Variants in TENM3 observed in about 807,000 individuals in gnomAD.
TENM3 encodes teneurin transmembrane protein 3, also known as teneurin-3.
A neutral mutation model predicts 255.1 loss-of-function variants in TENM3; 63 were observed. The observed-to-expected ratio is 0.25, with a 90% confidence interval of 0.20 to 0.30. The LOEUF is 0.30. Ranked by LOEUF, TENM3 falls within the 10% of genes least tolerant of loss-of-function variation. The probability of loss-of-function intolerance (pLI) is 1.00; values close to 1 mark genes in which losing one functional copy is unlikely to be tolerated. For synonymous variants in TENM3, 1,306 were observed against 1,322.3 expected, an observed-to-expected ratio of 0.99 and a Z score of 0.27; for missense variants, 2,929 against 3,461.1, an observed-to-expected ratio of 0.85 and a Z score of 3.86.
At chr4:181,542,839 T>G in the TENM3 span, among the ~76,000 whole-genome samples, 1 of 152,188 alleles carries the variant, frequency 6.6e-6, no homozygotes, top group Non-Finnish European at 1.5e-5. Context: ...GGGGTGAGAC[T>G]ATCCTGAGTT....
At chr4:182,095,046 G>T in the TENM3 span, among the ~76,000 whole-genome samples, 9 of 152,140 alleles carry the variant, frequency 5.9e-5, no homozygotes, top group African/African-American at 2.2e-4. Flanking sequence ...TCAAGGATGT[G>T]GAGAAAGAAG....
chr4:182,666,152 T>G (rs1465041565), intron 6 of TENM3, among the ~76,000 whole-genome samples: 1 of 152,184 alleles, frequency 6.6e-6, no homozygotes, highest in African/African-American at 2.4e-5. Flanking sequence ...GAAACTTTAA[T>G]GGACGAGGAG....
the TENM3 span, among the ~76,000 whole-genome samples, chr4:181,537,190 G>A: frequency 6.6e-6 from 1 of 151,884 alleles, no homozygotes; most frequent in Non-Finnish European, 1.5e-5. Flanking sequence ...GATTAAGAAA[G>A]GGAGTCTACA....
the TENM3 span, among the ~76,000 whole-genome samples, chr4:181,840,067 C>T: frequency 1.3e-5 from 2 of 152,140 alleles, no homozygotes; most frequent in South Asian, 2.1e-4. Context: ...CTCTAAACTT[C>T]TCTTGCATGT....
chr4:182,650,514 C>T (rs1177038120), intron 5 of TENM3, among the ~76,000 whole-genome samples: 3 of 150,004 alleles, frequency 2.0e-5, no homozygotes, highest in African/African-American at 7.3e-5. Context: ...CCAGATACCC[C>T]ATTTAGTTTT....
At chr4:181,753,235 G>T in the TENM3 span, among the ~76,000 whole-genome samples, 1 of 152,206 alleles carries the variant, frequency 6.6e-6, no homozygotes, top group Non-Finnish European at 1.5e-5. Flanking sequence ...TCTTCACACA[G>T]AAATGCTTTA....
At chr4:182,431,032 T>TAAAC (rs1394238008) in intron 3 of TENM3, among the ~76,000 whole-genome samples, 12 of 100,288 alleles carry the variant, frequency 1.2e-4, no homozygotes, top group African/African-American at 4.1e-4. Context: ...AATAAATAAA[T>TAAAC]AAATAAACAA....
chr4:181,508,892 CTTTTTTTTTTTTT>C, the TENM3 span, among the ~76,000 whole-genome samples: 34 of 53,816 alleles, frequency 6.3e-4, no homozygotes, highest in Middle Eastern at 0.036. Context: ...ATTTCCAACA[CTTTTTTTTTTTTT>C]TTTTTTTTTT....
chr4:182,396,041 T>C (rs531215689), intron 3 of TENM3, among the ~76,000 whole-genome samples: 1 of 152,252 alleles, frequency 6.6e-6, no homozygotes, highest in Non-Finnish European at 1.5e-5. Context: ...TCATATTTCA[T>C]TTTTTTTCTC....
the TENM3 span, among the ~76,000 whole-genome samples, chr4:181,880,403 CAAAT>C: frequency 6.6e-6 from 1 of 151,700 alleles, no homozygotes; most frequent in African/African-American, 2.4e-5. Context: ...TGTTAATTAA[CAAAT>C]AAACATATGA....
chr4:181,641,558 A>G, the TENM3 span, among the ~76,000 whole-genome samples: 286 of 39,986 alleles, frequency 7.2e-3, no homozygotes, highest in Middle Eastern at 0.013. Flanking sequence ...GTGTGTGTAT[A>G]TATATATATA....
At chr4:182,132,336 T>C in the TENM3 span, among the ~76,000 whole-genome samples, 1 of 151,738 alleles carries the variant, frequency 6.6e-6, no homozygotes, top group Non-Finnish European at 1.5e-5. Context: ...CAACAAAAAT[T>C]AGCCAGACCT....
the TENM3 span, among the ~76,000 whole-genome samples, chr4:181,682,418 G>A: frequency 6.6e-6 from 1 of 152,178 alleles, no homozygotes; most frequent in Admixed American, 6.5e-5. Flanking sequence ...GGAAAAAGCA[G>A]TTGTTTCACC....
At chr4:182,371,019 G>A (rs1173409380) in intron 3 of TENM3, among the ~76,000 whole-genome samples, 3 of 152,062 alleles carry the variant, frequency 2.0e-5, no homozygotes, top group East Asian at 1.9e-4. Flanking sequence ...AAGTTGAGAC[G>A]TTTTGGTCTT....
At chr4:182,654,922 T>C (rs1753626980) in intron 6 of TENM3, among the ~76,000 whole-genome samples, 1 of 152,192 alleles carries the variant, frequency 6.6e-6, no homozygotes, top group Admixed American at 6.5e-5. Flanking sequence ...TTGAGGAATT[T>C]TACGACATTC....
At chr4:182,637,535 A>G (rs1174298635) in intron 5 of TENM3, among the ~76,000 whole-genome samples, 1 of 152,198 alleles carries the variant, frequency 6.6e-6, no homozygotes. Context: ...AGCATCTCTA[A>G]AAAATAAAAA....
intron 3 of TENM3, among the ~76,000 whole-genome samples, chr4:182,371,077 T>C (rs2150855879): frequency 6.6e-6 from 1 of 152,322 alleles, no homozygotes. Context: ...AAGACTGTTA[T>C]CCTTTCTTTC....
the TENM3 span, among the ~76,000 whole-genome samples, chr4:181,995,615 A>G: frequency 1.3e-5 from 2 of 152,184 alleles, no homozygotes; most frequent in Non-Finnish European, 2.9e-5. Flanking sequence ...AACCACAAAT[A>G]TAATTGAATT....
At chr4:182,562,044 A>C (rs1743252419) in intron 3 of TENM3, among the ~76,000 whole-genome samples, 5 of 151,904 alleles carry the variant, frequency 3.3e-5, no homozygotes, top group Admixed American at 3.3e-4. Flanking sequence ...ACACACCCTA[A>C]CTTGAAAAAA....
Sources: gnomAD v4.1 joint callset for allele counts (sites outside exome capture counted in the v4.1 genomes callset) on GRCh38, gnomAD v4.1.1 for gene constraint, MANE v1.5 for transcripts, NCBI Gene and HGNC (gene_info 2026-07-23, HGNC 2026-07-21) for gene names.